The following SIN3A variants were observed in gnomAD, a reference collection of about 807,000 sequenced individuals.
The protein encoded by SIN3A is SIN3 transcription regulator family member A.
In SIN3A, 14 loss-of-function variants were observed where a neutral mutation model predicts 146.1. The ratio of observed to expected loss-of-function variants is 0.10; its 90% CI spans 0.06 to 0.15. SIN3A has a LOEUF of 0.15. SIN3A is among the 10% of genes least tolerant of loss of function. SIN3A has a pLI of 1.00. For synonymous variants in SIN3A, 572 were observed against 572.0 expected (o/e 1.00, Z 0.00); for missense variants, 1,028 against 1,576.0 (o/e 0.65, Z 5.89).
At chr15:75,425,492 G>T (rs1039216913) in intron 2 of SIN3A, among the ~76,000 whole-genome samples, 17 of 152,076 alleles carry the variant, frequency 1.1e-4, no homozygotes, top group African/African-American at 4.1e-4. Flanking sequence ...TGCTTATCTT[G>T]ATTTGCTACG....
rs751562930 is a variant in SIN3A, at chr15:75,400,857, C to T, written c.1610G>A (p.Arg537Gln). The T allele has an allele frequency of 1.2e-6, 2 of 1,614,048 alleles. No homozygotes were observed. Among genetic ancestry groups the T allele is most frequent in the Non-Finnish European group, 1.7e-6 (2 of 1,179,940 alleles). ...CTCCATAGCAATGCCCTCTGTGGCTCGCTCCTTTGGATAAGTTTCCAGATG... is the reference window on the plus strand; with the variant it reads ...CTCCATAGCAATGCCCTCTGTGGCTTGCTCCTTTGGATAAGTTTCCAGATG... ...SVHLETYPKE[R>Q]ATEGIAMEID... The change falls in exon 11 of 21, where the codon CGA (arginine) becomes CAA (glutamine). Residue 537 changes from arginine (R) to glutamine (Q), a missense_variant. Coordinates refer to ENST00000394947, the MANE Select transcript of SIN3A (RefSeq NM_001145358.2).
At chr15:75,446,672 T>C (rs2074312855) in intron 1 of SIN3A, among the ~76,000 whole-genome samples, 1 of 151,960 alleles carries the variant, frequency 6.6e-6, no homozygotes, top group Admixed American at 6.6e-5. Context: ...TTAATTTTTT[T>C]ATAGAGACAG....
chr15:75,380,593 A>C (rs1401956425), intron 19 of SIN3A, 36 bp downstream of exon 19: 2 of 1,427,740 alleles, frequency 1.4e-6, no homozygotes, highest in East Asian at 2.3e-5. Flanking sequence ...AATCATGCAC[A>C]GTATGGACTG....
intron 3 of SIN3A, 24 bp from the exon 4 acceptor site, chr15:75,414,335 G>A (rs1301080853): frequency 2.4e-6 from 3 of 1,274,248 alleles, no homozygotes; most frequent in East Asian, 2.5e-5. Flanking sequence ...AAATATCAAG[G>A]TTATAAAAAG....
chr15:75,442,334 T>C (rs1045149350), intron 1 of SIN3A, among the ~76,000 whole-genome samples: 1 of 151,038 alleles, frequency 6.6e-6, no homozygotes, highest in Admixed American at 6.6e-5. Context: ...TTGATTGTTT[T>C]TTTTTTTCAT....
At chr15:75,413,141 C>T in intron 4 of SIN3A, 96 bp from the exon 5 acceptor site, 3 of 1,268,562 alleles carry the variant, frequency 2.4e-6, no homozygotes, top group Non-Finnish European at 3.2e-6. Flanking sequence ...GAGACGGAGT[C>T]TCACTCTGTT....
chr15:75,438,683 T>C (rs897735323), intron 1 of SIN3A, among the ~76,000 whole-genome samples: 2 of 152,100 alleles, frequency 1.3e-5, no homozygotes, highest in East Asian at 3.9e-4. Flanking sequence ...AATAAGACCC[T>C]GTCTCAAAAA....
intron 20 of SIN3A, 22 bp from the exon 21 acceptor site, chr15:75,372,231 T>G: frequency 6.7e-7 from 1 of 1,498,914 alleles, no homozygotes; most frequent in South Asian, 1.3e-5. Context: ...AAAAAAAAAA[T>G]TTTATTAAAT....
At chr15:75,382,845 G>A (rs183834954) in intron 17 of SIN3A, among the ~76,000 whole-genome samples, 6 of 152,252 alleles carry the variant, frequency 3.9e-5, no homozygotes, top group Non-Finnish European at 7.4e-5. Context: ...CACTTTGGGA[G>A]GCCAAGGAGG....
At chr15:75,390,446 T>C (rs1263114554) in intron 15 of SIN3A, among the ~76,000 whole-genome samples, 1 of 152,228 alleles carries the variant, frequency 6.6e-6, no homozygotes, top group African/African-American at 2.4e-5. Flanking sequence ...ACATGAATCA[T>C]TTCAATCACT....
At chr15:75,450,883 A>AG (rs553417700) in intron 1 of SIN3A, among the ~76,000 whole-genome samples, 129 of 151,646 alleles carry the variant, frequency 8.5e-4, no homozygotes, top group African/African-American at 2.6e-3. Flanking sequence ...GGCGGGGTGC[A>AG]GGGGGGGACG....
chr15:75,436,143 A>C (rs533256055), intron 1 of SIN3A, among the ~76,000 whole-genome samples: 111 of 151,362 alleles, frequency 7.3e-4, no homozygotes, highest in Admixed American at 5.3e-3. Flanking sequence ...CAAAAAAAAA[A>C]CAAAAAAAAC....
At chr15:75,406,278 T>G (rs1181696791) in intron 9 of SIN3A, among the ~76,000 whole-genome samples, 2 of 152,220 alleles carry the variant, frequency 1.3e-5, no homozygotes, top group African/African-American at 2.4e-5. Context: ...GCCAATAATC[T>G]CAACTCTCGT....
chr15:75,407,754 G>A (rs962855825), intron 8 of SIN3A, among the ~76,000 whole-genome samples: 5 of 151,626 alleles, frequency 3.3e-5, no homozygotes, highest in Admixed American at 3.3e-4. Context: ...TTAGCTGGGC[G>A]TGGTAGTGTG....
chr15:75,403,195 G>C (rs1355251714), intron 9 of SIN3A, among the ~76,000 whole-genome samples: 1 of 151,782 alleles, frequency 6.6e-6, no homozygotes, highest in Non-Finnish European at 1.5e-5. Flanking sequence ...GGCCGAGGTG[G>C]GTGGATCACC....
At chr15:75,397,102 C>G (rs1358270511) in intron 12 of SIN3A, among the ~76,000 whole-genome samples, 6 of 152,144 alleles carry the variant, frequency 3.9e-5, no homozygotes, top group African/African-American at 1.4e-4. Context: ...TGCGGGTAAC[C>G]ATTTAAATTC....
chr15:75,443,257 G>A (rs946723071), intron 1 of SIN3A, among the ~76,000 whole-genome samples: 1 of 152,122 alleles, frequency 6.6e-6, no homozygotes, highest in African/African-American at 2.4e-5. Context: ...TGCCATTATA[G>A]GAGGAAGATG....
intron 2 of SIN3A, among the ~76,000 whole-genome samples, chr15:75,423,697 A>AT (rs2073878474): frequency 6.6e-6 from 1 of 151,824 alleles, no homozygotes; most frequent in Non-Finnish European, 1.5e-5. Context: ...CAAACAAAAA[A>AT]ATATATATAT....
intron 12 of SIN3A, 32 bp downstream of exon 12, chr15:75,400,008 C>T: frequency 2.5e-6 from 3 of 1,217,748 alleles, no homozygotes; most frequent in South Asian, 2.4e-5. Flanking sequence ...TCTCCCATTT[C>T]CCCCAACTTC....
Sources: allele counts gnomAD v4.1 joint callset (sites outside exome capture counted in the v4.1 genomes callset), GRCh38; gene constraint gnomAD v4.1.1; transcripts MANE v1.5; gene names NCBI Gene and HGNC (gene_info 2026-07-23, HGNC 2026-07-21).